The following SPTLC1 variants were observed in gnomAD, a reference collection of about 807,000 sequenced individuals.
The protein encoded by SPTLC1 is serine palmitoyltransferase 1.
A neutral mutation model predicts 68.9 loss-of-function variants in SPTLC1; 55 were observed. That is an observed-to-expected ratio of 0.80 (90% CI 0.64 to 1.00). SPTLC1 has a LOEUF of 1.00. Ranked by LOEUF, SPTLC1 falls within the 50% of genes least tolerant of loss-of-function variation. The pLI, the probability that SPTLC1 is intolerant of heterozygous loss-of-function variation, is 0.00. For synonymous variants in SPTLC1, 197 were observed against 201.6 expected, an observed-to-expected ratio of 0.98 and a Z score of 0.19; for missense variants, 449 against 573.1, an observed-to-expected ratio of 0.78 and a Z score of 2.21.
At chr9:92,090,137 C>T (rs1030257416) in intron 3 of SPTLC1, among the ~76,000 whole-genome samples, 2 of 152,162 alleles carry the variant, frequency 1.3e-5, no homozygotes, top group Non-Finnish European at 2.9e-5. Context: ...TACCTAAAGA[C>T]TGGCAATAAG....
intron 13 of SPTLC1, among the ~76,000 whole-genome samples, chr9:92,036,824 G>A (rs79756588): frequency 0.014 from 2,066 of 152,304 alleles, 55 homozygotes; most frequent in African/African-American, 0.046. Context: ...CTGTATTTAA[G>A]GAACGTTACA....
chr9:92,050,563 A>G (rs1276225204), intron 8 of SPTLC1: 3 of 159,894 alleles, frequency 1.9e-5, no homozygotes, highest in Non-Finnish European at 4.1e-5. Context: ...ATCAACAGAC[A>G]TTAAATAAGA....
chr9:92,113,817 T>C (rs1836331490), intron 1 of SPTLC1, among the ~76,000 whole-genome samples: 2 of 152,220 alleles, frequency 1.3e-5, no homozygotes, highest in Admixed American at 1.3e-4. Context: ...TTTGGTGATA[T>C]TAAATCATCA....
chr9:92,037,864 T>A (rs3847308), intron 13 of SPTLC1, among the ~76,000 whole-genome samples: 2 of 152,028 alleles, frequency 1.3e-5, no homozygotes, highest in African/African-American at 2.4e-5. Flanking sequence ...GAATGTGTGC[T>A]ATGCCCACAC....
intron 3 of SPTLC1, among the ~76,000 whole-genome samples, chr9:92,099,257 A>C (rs1373392890): frequency 6.6e-6 from 1 of 152,220 alleles, no homozygotes; most frequent in Admixed American, 6.5e-5. Flanking sequence ...AGGCTGCTGC[A>C]CTTGCTGGAG....
Position 92,059,327 on chromosome 9 carries a change from C to T in SPTLC1, c.561-19G>A. The T allele has an allele frequency of 6.2e-7, 1 of 1,613,758 alleles. No individual in the cohort carries two copies. Among genetic ancestry groups the T allele is most frequent in the Non-Finnish European group, 8.5e-7 (1 of 1,179,912 alleles). ...TCTATCTCTGCAAGGAAAAGAGATC[C>T]ACCAAATTGGGTTTAAAGGGTCTTG... On this transcript the variant is annotated intron_variant, in intron 6 of 14. Coordinates refer to ENST00000262554, the MANE Select transcript of SPTLC1 (RefSeq NM_006415.4).
intron 2 of SPTLC1, chr9:92,109,555 G>C (rs1191834617): frequency 6.6e-6 from 1 of 151,966 alleles, no homozygotes; most frequent in Non-Finnish European, 1.5e-5. Flanking sequence ...AGAATATTTC[G>C]AGGCCCCCTT....
At chr9:92,084,970 A>G (rs1276464305) in intron 3 of SPTLC1, among the ~76,000 whole-genome samples, 9 of 151,702 alleles carry the variant, frequency 5.9e-5, no homozygotes, top group Admixed American at 2.0e-4. Flanking sequence ...TTAGTCTTGG[A>G]AGGGTGTATG....
intron 2 of SPTLC1, chr9:92,112,047 G>T: frequency 5.7e-6 from 1 of 175,384 alleles, no homozygotes; most frequent in Non-Finnish European, 1.2e-5. Flanking sequence ...ATTTGAGATG[G>T]GTATGAGTAG....
At chr9:92,099,227 C>T (rs947427452) in intron 3 of SPTLC1, among the ~76,000 whole-genome samples, 1 of 152,138 alleles carries the variant, frequency 6.6e-6, no homozygotes, top group African/African-American at 2.4e-5. Flanking sequence ...GGATCGGCAC[C>T]ACAGCCCAAG....
chr9:92,047,263 A>C lies in SPTLC1; in HGVS notation c.990T>G (p.Leu330=). The stretch of plus-strand genomic sequence containing the variant: ...CTGAAAAGCAGTATCCCTGGCCGGA[A>C]AGTCGCTGAGAAGAAACAAATGAAG... ...GRSFVIDHQR[L]SGQGYCFSAS... is the part of the protein sequence containing the mutation. Residue 330 remains leucine, a synonymous_variant, in exon 11 of 15, where the codon CTT becomes CTG. Transcript: ENST00000262554. 1 of 1,614,066 alleles carries C rather than the reference A, an allele frequency of 6.2e-7. No individual in the cohort carries two copies. The highest frequency in any genetic ancestry group is 8.5e-7 in the Non-Finnish European group (1 of 1,179,938).
chr9:92,036,486 G>A (rs1833145305), intron 13 of SPTLC1, among the ~76,000 whole-genome samples: 1 of 152,234 alleles, frequency 6.6e-6, no homozygotes, highest in African/African-American at 2.4e-5. Flanking sequence ...ATCTGAAGGA[G>A]GCAACTGTCC....
chr9:92,045,555 C>G (rs1337220297), intron 12 of SPTLC1, among the ~76,000 whole-genome samples: 1 of 77,068 alleles, frequency 1.3e-5, no homozygotes, highest in Non-Finnish European at 2.4e-5. Flanking sequence ...AAAAAAAACA[C>G]TGATAAAATT....
rs1242487008 is a variant in SPTLC1 at position 92,058,484 on chromosome 9, T to A, written c.690+695A>T. On this transcript the variant is annotated intron_variant, in intron 7 of 14. Coordinates refer to ENST00000262554, the MANE Select transcript of SPTLC1 (RefSeq NM_006415.4). ...AGACCTGAGCTACTTTACTTACCCA[T>A]GTCATCAGGGGAAAATAAATTGTAA... is the stretch of plus-strand genomic sequence containing the variant. Among the ~76,000 whole-genome samples, 3 of 152,178 alleles carry A rather than the reference T, an allele frequency of 2.0e-5. No individual in the cohort carries two copies. In the East Asian group the frequency reaches 5.8e-4, roughly 29 times the overall value.
At position 92,084,020 on chromosome 9, in the gene SPTLC1, A is replaced by G. The variant is rs528916015; in HGVS notation, c.261-3057T>C. 2.0e-5 allele frequency among the ~76,000 whole-genome samples: 3 copies of G among 152,146 alleles called. No homozygotes were observed. The East Asian group carries it at 5.8e-4, about 29-fold the overall frequency. ...TTGAAGGAATTGTGAATGGGAGTTC[A>G]CTCATGATTTGGCTCTCTGTTTGTC... is the stretch of plus-strand genomic sequence containing the variant. On this transcript the variant is annotated intron_variant, in intron 3 of 14. Transcript: ENST00000262554.
At chr9:92,091,987 C>G (rs936264826) in intron 3 of SPTLC1, among the ~76,000 whole-genome samples, 1 of 152,146 alleles carries the variant, frequency 6.6e-6, no homozygotes, top group East Asian at 1.9e-4. Flanking sequence ...ACATTTCACA[C>G]CTTCAAACTA....
At chr9:92,089,957 A>C (rs936808384) in intron 3 of SPTLC1, among the ~76,000 whole-genome samples, 1 of 152,228 alleles carries the variant, frequency 6.6e-6, no homozygotes, top group African/African-American at 2.4e-5. Flanking sequence ...ATAATGATCC[A>C]CTTAGAACCT....
intron 6 of SPTLC1, among the ~76,000 whole-genome samples, chr9:92,063,190 T>G (rs1834162322): frequency 6.6e-6 from 1 of 152,104 alleles, no homozygotes; most frequent in African/African-American, 2.4e-5. Flanking sequence ...ACAAGGTATA[T>G]AACTGTGGAC....
At chr9:92,084,148 C>A (rs1344517253) in intron 3 of SPTLC1, among the ~76,000 whole-genome samples, 2 of 151,228 alleles carry the variant, frequency 1.3e-5, no homozygotes, top group Admixed American at 6.6e-5. Context: ...TGGGCTGAGA[C>A]AATGGGGTTT....
Sources: gnomAD v4.1 joint callset for allele counts (sites outside exome capture counted in the v4.1 genomes callset) on GRCh38, gnomAD v4.1.1 for gene constraint, MANE v1.5 for transcripts, NCBI Gene and HGNC (gene_info 2026-07-23, HGNC 2026-07-21) for gene names.